Variants in CATSPERB observed in about 807,000 individuals in gnomAD.
CATSPERB encodes catsper channel auxiliary subunit beta.
CATSPERB carries 93 observed loss-of-function variants against 128.3 expected under a neutral mutation model. The ratio of observed to expected loss-of-function variants is 0.72; its 90% confidence interval spans 0.61 to 0.86. The LOEUF (loss-of-function observed/expected upper bound fraction) is 0.86. Ranked by LOEUF, CATSPERB falls within the 40% of genes least tolerant of loss-of-function variation. The probability of loss-of-function intolerance (pLI) is 0.00; values close to 1 mark genes in which losing one functional copy is unlikely to be tolerated. For missense variants in CATSPERB, 1,153 were observed against 1,329.5 expected, an observed-to-expected ratio of 0.87 and a Z score of 2.06; for synonymous variants, 381 against 448.8, an observed-to-expected ratio of 0.85 and a Z score of 1.91.
chr14:91,690,061 C>T (rs2139843881), intron 10 of CATSPERB, among the ~76,000 whole-genome samples: 2 of 152,280 alleles, frequency 1.3e-5, no homozygotes, highest in Middle Eastern at 3.4e-3. Context: ...GGCACGATCT[C>T]GATTCACTGC....
At chr14:91,684,358 T>G (rs1710423996) in intron 10 of CATSPERB, among the ~76,000 whole-genome samples, 1 of 152,218 alleles carries the variant, frequency 6.6e-6, no homozygotes, top group African/African-American at 2.4e-5. Context: ...GAAAAAGGTT[T>G]TGAAAATTGG....
intron 5 of CATSPERB, chr14:91,709,966 C>T (rs1312038452): frequency 6.6e-6 from 1 of 152,534 alleles, no homozygotes; most frequent in Non-Finnish European, 1.5e-5. Context: ...TCATTCTAAA[C>T]ACAGAAGAAG....
Position 91,587,477 on chromosome 14 carries a change from C to CTTTTTTTTTTTTTTTTTTT in CATSPERB, c.3058-220_3058-202dup, listed in dbSNP as rs3029803. Among the ~76,000 whole-genome samples, 75 of 101,532 alleles carry CTTTTTTTTTTTTTTTTTTT rather than the reference C, an allele frequency of 7.4e-4. 10 individuals are homozygous for CTTTTTTTTTTTTTTTTTTT. Among genetic ancestry groups the CTTTTTTTTTTTTTTTTTTT allele is most frequent in the Non-Finnish European group, 1.1e-3 (54 of 50,616 alleles). The allele number at this position is 101,532 out of a possible 152,430, so 66.6% of individuals were successfully genotyped here. ...AAGTGGAGGGATTCAATAGCTGATA[C>CTTTTTTTTTTTTTTTTTTT]TTTTTTTTTTTTTTTTTTTTTTTTT... On this transcript the variant is annotated intron_variant, in intron 25 of 26. Transcript: ENST00000256343.
intron 1 of CATSPERB, among the ~76,000 whole-genome samples, chr14:91,729,812 A>G (rs1484272496): frequency 6.6e-6 from 1 of 152,226 alleles, no homozygotes; most frequent in Non-Finnish European, 1.5e-5. Context: ...AGGATGATAC[A>G]GCTGTAACTT....
intron 5 of CATSPERB, among the ~76,000 whole-genome samples, chr14:91,708,579 A>T (rs1285492818): frequency 6.6e-6 from 1 of 152,206 alleles, no homozygotes; most frequent in Non-Finnish European, 1.5e-5. Context: ...ACAAACCCTA[A>T]GGTGAACAAC....
chr14:91,688,276 G>A (rs962498408), intron 10 of CATSPERB, among the ~76,000 whole-genome samples: 19 of 152,050 alleles, frequency 1.2e-4, no homozygotes, highest in African/African-American at 3.4e-4. Flanking sequence ...TTGATTTCAC[G>A]GTCTTCAAGC....
chr14:91,622,428 A>G (rs1265859288), intron 18 of CATSPERB, among the ~76,000 whole-genome samples: 1 of 152,208 alleles, frequency 6.6e-6, no homozygotes, highest in Non-Finnish European at 1.5e-5. Flanking sequence ...GCAGGACCTT[A>G]AGGAACATCA....
chr14:91,673,690 C>G (rs1338797245), intron 12 of CATSPERB, among the ~76,000 whole-genome samples: 3 of 152,120 alleles, frequency 2.0e-5, no homozygotes, highest in Non-Finnish European at 2.9e-5. Context: ...CAAGACCATC[C>G]TGGCCAACAT....
At chr14:91,602,281 A>G (rs1234086925) in intron 22 of CATSPERB, among the ~76,000 whole-genome samples, 1 of 152,204 alleles carries the variant, frequency 6.6e-6, no homozygotes, top group Non-Finnish European at 1.5e-5. Flanking sequence ...AGGTTTATGT[A>G]GTCATAATGC....
At chr14:91,681,552 C>A (rs983138892) in intron 11 of CATSPERB, among the ~76,000 whole-genome samples, 1 of 152,180 alleles carries the variant, frequency 6.6e-6, no homozygotes, top group Non-Finnish European at 1.5e-5. Flanking sequence ...GAGACGCTCC[C>A]TGGGAGTCCC....
chr14:91,697,272 G>C (rs561509173), intron 7 of CATSPERB, among the ~76,000 whole-genome samples: 4 of 152,276 alleles, frequency 2.6e-5, no homozygotes, highest in African/African-American at 9.6e-5. Flanking sequence ...AAGGGCAAGG[G>C]AGTTACAGAA....
At chr14:91,715,392 T>C (rs1384645222) in intron 5 of CATSPERB, among the ~76,000 whole-genome samples, 1 of 151,398 alleles carries the variant, frequency 6.6e-6, no homozygotes, top group Non-Finnish European at 1.5e-5. Flanking sequence ...CGAAACCCCG[T>C]CTCTACTAAA....
intron 17 of CATSPERB, 105 bp downstream of exon 17, chr14:91,636,320 A>C: frequency 8.2e-6 from 8 of 981,280 alleles, no homozygotes; most frequent in Non-Finnish European, 1.2e-5. Context: ...CTGTCATCGC[A>C]CTACTGCACT....
intron 22 of CATSPERB, among the ~76,000 whole-genome samples, chr14:91,605,681 T>C (rs1464430750): frequency 6.6e-6 from 1 of 152,178 alleles, no homozygotes; most frequent in Non-Finnish European, 1.5e-5. Flanking sequence ...CCACTCTTTG[T>C]ATCTGGTGTT....
At chr14:91,597,162 T>A (rs567039699) in intron 22 of CATSPERB, among the ~76,000 whole-genome samples, 4 of 152,244 alleles carry the variant, frequency 2.6e-5, no homozygotes, top group African/African-American at 9.6e-5. Context: ...AGTGCTGGGA[T>A]TACAGGCGTG....
intron 11 of CATSPERB, among the ~76,000 whole-genome samples, chr14:91,678,637 T>C (rs1480108893): frequency 6.6e-6 from 1 of 152,206 alleles, no homozygotes; most frequent in Non-Finnish European, 1.5e-5. Context: ...ATATGATTAA[T>C]AAAATTAACA....
At chr14:91,704,324 C>T (rs185535985) in intron 7 of CATSPERB, among the ~76,000 whole-genome samples, 2 of 152,164 alleles carry the variant, frequency 1.3e-5, no homozygotes, top group African/African-American at 2.4e-5. Context: ...AATTAGGAGA[C>T]ACACTAAAGT....
chr14:91,594,639 G>A (rs2139762763), intron 22 of CATSPERB, among the ~76,000 whole-genome samples: 1 of 152,192 alleles, frequency 6.6e-6, no homozygotes, highest in East Asian at 1.9e-4. Flanking sequence ...TTTATCAGCA[G>A]TGTAAAAATG....
At chr14:91,724,956 A>G (rs1010829526) in intron 3 of CATSPERB, 124 bp downstream of exon 3, 3 of 411,770 alleles carry the variant, frequency 7.3e-6, no homozygotes, top group African/African-American at 6.2e-5. Context: ...ATTTATATAG[A>G]ATTTTCCCTC....
Sources: gnomAD v4.1 joint callset for allele counts (sites outside exome capture counted in the v4.1 genomes callset) on GRCh38, gnomAD v4.1.1 for gene constraint, MANE v1.5 for transcripts, NCBI Gene and HGNC (gene_info 2026-07-23, HGNC 2026-07-21) for gene names.